Variants in PATE4 observed in about 807,000 individuals in gnomAD.
The protein encoded by PATE4 is prostate and testis expressed 4.
A neutral mutation model predicts 8.5 loss-of-function variants in PATE4; 13 were observed. That is an observed-to-expected ratio of 1.53 (90% CI 1.00 to 2.43). PATE4 has a LOEUF of 2.43. Ranked by LOEUF, PATE4 falls within the 30% of genes most tolerant of loss-of-function variation. PATE4 has a pLI of 0.00. For synonymous variants in PATE4, 47 were observed against 39.3 expected (o/e 1.20, Z -0.73); for missense variants, 127 against 115.5 (o/e 1.10, Z -0.46).
Position 125,838,697 on chromosome 11 carries a change from A to G in PATE4, c.*270A>G. The G allele has an allele frequency of 2.9e-6, 1 of 344,584 alleles. No homozygotes were observed. Among genetic ancestry groups the G allele is most frequent in the Non-Finnish European group, 5.2e-6 (1 of 192,098 alleles). 21.3% of individuals were successfully genotyped at this position (344,584 alleles called of 1,614,324 possible). ...CTGATTTCTGATTTCTATCCCTTGT[A>G]GGCTAAATAATGGACCCCCAAATAT... On this transcript the variant is annotated 3_prime_UTR_variant, in exon 3 of 3. Transcript: ENST00000457514.
chr11:125,835,223 G>C (rs943281106), intron 1 of PATE4: 1 of 152,180 alleles, frequency 6.6e-6, no homozygotes, highest in Non-Finnish European at 1.5e-5. Flanking sequence ...CTCTGAAAGA[G>C]AGAAGCCTCA....
chr11:125,833,774 C>T (rs966881149), intron 1 of PATE4, among the ~76,000 whole-genome samples: 2 of 152,132 alleles, frequency 1.3e-5, no homozygotes, highest in African/African-American at 4.8e-5. Flanking sequence ...CTTTATTCTA[C>T]CTGATCATTA....
chr11:125,837,705 C>G (rs1400964290), intron 1 of PATE4, among the ~76,000 whole-genome samples, 163 bp from the exon 2 acceptor site: 1 of 152,158 alleles, frequency 6.6e-6, no homozygotes, highest in Non-Finnish European at 1.5e-5. Context: ...TATCCACCTC[C>G]TAGCTTAACT....
In PATE4 at chr11:125,838,348, G is replaced by A. The variant is rs1005868409; in HGVS notation, c.218G>A (p.Cys73Tyr). 1 of 1,551,136 alleles carries A rather than the reference G, an allele frequency of 6.4e-7. No individual in the cohort carries two copies. Among genetic ancestry groups the A allele is most frequent in the African/African-American group, 1.4e-5 (1 of 72,996 alleles). Reference protein sequence around the residue: ...MYSTHMCKYKCREEESSKRGL... With the variant: ...MYSTHMCKYKYREEESSKRGL... ...TCAACACATATGTGTAAGTATAAGT[G>A]CCGGGAAGAGGAGTCCTCCAAAAGA... The change falls in exon 3 of 3, where the codon TGC becomes TAC. Residue 73 changes from cysteine (C) to tyrosine (Y), a missense_variant. Coordinates refer to ENST00000457514, the MANE Select transcript of PATE4 (RefSeq NM_001144874.1).
chr11:125,838,684 T>G lies in PATE4; in HGVS notation c.*257T>G. 1 of 380,610 alleles carries G rather than the reference T, an allele frequency of 2.6e-6. No homozygotes were observed. The highest frequency in any genetic ancestry group is 9.0e-5 in the South Asian group (1 of 11,166). 23.6% of individuals were successfully genotyped at this position (380,610 alleles called of 1,614,324 possible). On this transcript the variant is annotated 3_prime_UTR_variant, in exon 3 of 3. Coordinates refer to ENST00000457514, the MANE Select transcript of PATE4 (RefSeq NM_001144874.1). Reference sequence around the variant, plus strand: ...TTGTCTTCTACTCCTGATTTCTGATTTCTATCCCTTGTAGGCTAAATAATG... The same window carrying G: ...TTGTCTTCTACTCCTGATTTCTGATGTCTATCCCTTGTAGGCTAAATAATG...
At position 125,838,735 on chromosome 11, in the gene PATE4, A is replaced by C; in HGVS notation, c.*308A>C. 7.7e-6 allele frequency: 2 copies of C among 261,198 alleles called. No homozygotes were observed. Among genetic ancestry groups the C allele is most frequent in the Non-Finnish European group, 7.2e-6 (1 of 139,644 alleles). The allele number at this position is 261,198 out of a possible 1,614,324, so 16.2% of individuals were successfully genotyped here. A position where few individuals can be genotyped will look rare whatever the true frequency, so the allele number is the denominator to read the frequency against. On this transcript the variant is annotated 3_prime_UTR_variant, in exon 3 of 3. Coordinates refer to ENST00000457514, the MANE Select transcript of PATE4 (RefSeq NM_001144874.1). ...GACCCCCAAATATTTCTACATCCTA[A>C]TCTCTGGAACCTGTGAATGTTACCT...
At chr11:125,833,970 T>G (rs550107576) in intron 1 of PATE4, among the ~76,000 whole-genome samples, 3 of 152,298 alleles carry the variant, frequency 2.0e-5, no homozygotes, top group African/African-American at 7.2e-5. Flanking sequence ...AAGTCACCCT[T>G]GAAATCTCCC....
intron 1 of PATE4, among the ~76,000 whole-genome samples, chr11:125,834,095 C>T (rs1465611652): frequency 6.6e-6 from 1 of 152,108 alleles, no homozygotes; most frequent in Non-Finnish European, 1.5e-5. Flanking sequence ...TACCTTTTGA[C>T]ACTTAGTAAG....
rs1320708882 is a variant in PATE4 at position 125,837,798 on chromosome 11, T to A, written c.59-70T>A. 3.7e-6 allele frequency: 4 copies of A among 1,084,018 alleles called. No individual in the cohort carries two copies. In the African/African-American group the frequency reaches 4.7e-5, roughly 13 times the overall value. 67.1% of individuals were successfully genotyped at this position (1,084,018 alleles called of 1,614,324 possible). A position where few individuals can be genotyped will look rare whatever the true frequency, so the allele number is the denominator to read the frequency against. On this transcript the variant is annotated intron_variant, in intron 1 of 2. Transcript: ENST00000457514. Reference sequence around the variant, plus strand: ...GTATCGTCAATATGCAACCTCTTACTGATGCTGAAAACTCACTTTTCCATT... The same window carrying A: ...GTATCGTCAATATGCAACCTCTTACAGATGCTGAAAACTCACTTTTCCATT...
chr11:125,838,318 T>C lies in PATE4; in HGVS notation c.188T>C (p.Met63Thr), dbSNP rs554044547. ...TCTTCATTTTCAGGAGACAAACATA[T>C]GTACTCAACACATATGTGTAAGTAT... Reference protein sequence around the residue: ...TTAYFRGDKHMYSTHMCKYKC... With the variant: ...TTAYFRGDKHTYSTHMCKYKC... Residue 63 changes from methionine (M) to threonine (T), a missense_variant, in exon 3 of 3, where the codon ATG (methionine) becomes ACG (threonine). Physicochemically the swap from Met to Thr is moderately conservative, Grantham distance 81. Coordinates refer to ENST00000457514, the MANE Select transcript of PATE4 (RefSeq NM_001144874.1). The C allele has an allele frequency of 3.9e-6, 6 of 1,545,144 alleles. No homozygotes were observed. The highest frequency in any genetic ancestry group is 5.2e-6 in the Non-Finnish European group (6 of 1,145,054).
intron 1 of PATE4, chr11:125,835,304 C>T (rs10750303): frequency 0.87 from 131,618 of 152,032 alleles, 57,113 homozygotes; most frequent in East Asian, 1. Flanking sequence ...TTGAGGAACC[C>T]AAAGGTGCGA....
chr11:125,833,933 T>C (rs1943903698), intron 1 of PATE4, among the ~76,000 whole-genome samples: 1 of 152,162 alleles, frequency 6.6e-6, no homozygotes, highest in Admixed American at 6.5e-5. Flanking sequence ...CTTCAGTCTT[T>C]CATCAACAAA....
rs529752834 is a variant in PATE4, at chr11:125,837,535, A to G, written c.59-333A>G. ...AAGTATTCCCCTGCTTTTCCAGCCC[A>G]CAGTAATCTGCCTGTTGCTATACTC... On this transcript the variant is annotated intron_variant, in intron 1 of 2. Transcript: ENST00000457514. Among the ~76,000 whole-genome samples, 7 of 152,248 alleles carry G rather than the reference A, an allele frequency of 4.6e-5. No homozygotes were observed. The East Asian group carries it at 1.4e-3, about 29-fold the overall frequency.
At position 125,839,206 on chromosome 11, in the gene PATE4, C is replaced by G. The variant is rs576519851; in HGVS notation, c.*779C>G. On this transcript the variant is annotated 3_prime_UTR_variant, in exon 3 of 3. Coordinates refer to ENST00000457514, the MANE Select transcript of PATE4 (RefSeq NM_001144874.1). ...AGCAGCAATGGGAAACTAATACAAT[C>G]CAAATAAACTTCTAGGAATTCAAAT... is the stretch of plus-strand genomic sequence containing the variant. The G allele has an allele frequency of 6.6e-6, 1 of 152,244 alleles. No homozygotes were observed. The highest frequency in any genetic ancestry group is 2.4e-5 in the African/African-American group (1 of 41,550). 9.4% of individuals were successfully genotyped at this position (152,244 alleles called of 1,614,324 possible). A position where few individuals can be genotyped will look rare whatever the true frequency, so the allele number is the denominator to read the frequency against.
chr11:125,838,692 C>T lies in PATE4; in HGVS notation c.*265C>T, dbSNP rs912332374. The T allele has an allele frequency of 1.1e-5, 4 of 355,614 alleles. No individual in the cohort carries two copies. Among genetic ancestry groups the T allele is most frequent in the Non-Finnish European group, 1.5e-5 (3 of 199,072 alleles). 22.0% of individuals were successfully genotyped at this position (355,614 alleles called of 1,614,324 possible). On this transcript the variant is annotated 3_prime_UTR_variant, in exon 3 of 3. Coordinates refer to ENST00000457514, the MANE Select transcript of PATE4 (RefSeq NM_001144874.1). ...TACTCCTGATTTCTGATTTCTATCCCTTGTAGGCTAAATAATGGACCCCCA... is the reference window on the plus strand; with the variant it reads ...TACTCCTGATTTCTGATTTCTATCCTTTGTAGGCTAAATAATGGACCCCCA...
chr11:125,835,216 T>C (rs1272800245), intron 1 of PATE4: 1 of 152,174 alleles, frequency 6.6e-6, no homozygotes, highest in Non-Finnish European at 1.5e-5. Context: ...CCAACTCCTC[T>C]GAAAGAGAGA....
intron 1 of PATE4, among the ~76,000 whole-genome samples, chr11:125,834,762 ATAACT>A (rs1943908427): frequency 6.6e-6 from 1 of 152,216 alleles, no homozygotes; most frequent in African/African-American, 2.4e-5. Context: ...AAAAGTGCAA[ATAACT>A]TAAATTCTCA....
intron 1 of PATE4, among the ~76,000 whole-genome samples, chr11:125,833,808 T>A (rs1943903108): frequency 6.6e-6 from 1 of 152,196 alleles, no homozygotes; most frequent in Non-Finnish European, 1.5e-5. Flanking sequence ...CTTAAGGCTT[T>A]ATACTATCCA....
rs1290546337 is a variant in PATE4 at position 125,839,281 on chromosome 11, C to T, written c.*854C>T. 2 of 152,162 alleles carry T rather than the reference C, an allele frequency of 1.3e-5. No individual in the cohort carries two copies. The highest frequency in any genetic ancestry group is 4.8e-5 in the African/African-American group (2 of 41,420). 9.4% of individuals were successfully genotyped at this position (152,162 alleles called of 1,614,324 possible). On this transcript the variant is annotated 3_prime_UTR_variant, in exon 3 of 3. Transcript: ENST00000457514. The stretch of plus-strand genomic sequence containing the variant: ...GGCCAGTCTAGGTGACAACAGTATC[C>T]ACCGCTCAGGGCTTACAGTGACCTG...
Sources: gnomAD v4.1 joint callset for allele counts (sites outside exome capture counted in the v4.1 genomes callset) on GRCh38, gnomAD v4.1.1 for gene constraint, MANE v1.5 for transcripts, NCBI Gene and HGNC (gene_info 2026-07-23, HGNC 2026-07-21) for gene names.